Variants in SCHIP1 observed in about 807,000 individuals in gnomAD.
SCHIP1 encodes schwannomin-interacting protein 1.
A neutral mutation model predicts 29.7 loss-of-function variants in SCHIP1; 8 were observed. The ratio of observed to expected loss-of-function variants is 0.27; its 90% CI spans 0.16 to 0.49. The LOEUF is 0.49. Ranked by LOEUF, SCHIP1 falls within the 20% of genes least tolerant of loss-of-function variation. The pLI, the probability that SCHIP1 is intolerant of heterozygous loss-of-function variation, is 0.99. For synonymous variants in SCHIP1, 76 were observed against 94.9 expected, an observed-to-expected ratio of 0.80 and a Z score of 1.16; for missense variants, 193 against 294.6, an observed-to-expected ratio of 0.66 and a Z score of 2.52.
chr3:159,628,140 G>A, the SCHIP1 span, among the ~76,000 whole-genome samples: 1 of 152,184 alleles, frequency 6.6e-6, no homozygotes, highest in East Asian at 1.9e-4. Flanking sequence ...GTAGAGCTGT[G>A]AGATCAAAGT....
At chr3:159,332,959 G>C in the SCHIP1 span, among the ~76,000 whole-genome samples, 3 of 152,312 alleles carry the variant, frequency 2.0e-5, no homozygotes, top group African/African-American at 7.2e-5. Context: ...ATGCTGGACA[G>C]CCTGCATCAG....
At chr3:159,456,074 A>G in the SCHIP1 span, among the ~76,000 whole-genome samples, 1 of 152,104 alleles carries the variant, frequency 6.6e-6, no homozygotes, top group African/African-American at 2.4e-5. Flanking sequence ...AAATAACTTA[A>G]TGGAATTTTT....
chr3:159,636,378 T>A, the SCHIP1 span, among the ~76,000 whole-genome samples: 3 of 152,232 alleles, frequency 2.0e-5, no homozygotes, highest in African/African-American at 7.2e-5. Context: ...TTTAAATTAA[T>A]ACAAGAGAAT....
At chr3:159,694,313 A>G in the SCHIP1 span, among the ~76,000 whole-genome samples, 1 of 152,078 alleles carries the variant, frequency 6.6e-6, no homozygotes, top group African/African-American at 2.4e-5. Context: ...TGAGGTCAGG[A>G]GTTCAAGACT....
the SCHIP1 span, among the ~76,000 whole-genome samples, chr3:159,710,178 G>A: frequency 6.6e-6 from 1 of 152,084 alleles, no homozygotes; most frequent in African/African-American, 2.4e-5. Flanking sequence ...CCAAGATATA[G>A]AACCAACCTA....
chr3:159,792,545 A>G, the SCHIP1 span, among the ~76,000 whole-genome samples: 1 of 152,226 alleles, frequency 6.6e-6, no homozygotes. Flanking sequence ...GTAAAATTTA[A>G]TAGTAGAGTT....
the SCHIP1 span, among the ~76,000 whole-genome samples, chr3:159,598,279 A>C: frequency 6.6e-6 from 1 of 152,166 alleles, no homozygotes. Context: ...AACTCATTCC[A>C]TTATTAACCC....
At chr3:159,694,108 G>A in the SCHIP1 span, among the ~76,000 whole-genome samples, 3 of 152,188 alleles carry the variant, frequency 2.0e-5, no homozygotes, top group South Asian at 4.1e-4. Context: ...ACCATATCAT[G>A]ATCTACTTAA....
the SCHIP1 span, chr3:159,763,804 G>A: frequency 1.3e-5 from 2 of 152,258 alleles, no homozygotes; most frequent in Non-Finnish European, 2.9e-5. Flanking sequence ...CCCCCACCCC[G>A]AGCCTTCCGG....
At chr3:159,658,498 T>C in the SCHIP1 span, among the ~76,000 whole-genome samples, 1 of 152,214 alleles carries the variant, frequency 6.6e-6, no homozygotes, top group Non-Finnish European at 1.5e-5. Flanking sequence ...CTACTTTTAC[T>C]TGTGTCCAAG....
chr3:159,366,012 G>GTTGT, the SCHIP1 span, among the ~76,000 whole-genome samples: 1 of 144,042 alleles, frequency 6.9e-6, no homozygotes, highest in Non-Finnish European at 1.5e-5. Context: ...AGACAGGGTT[G>GTTGT]TTGTTTATAA....
intron 3 of SCHIP1, 156 bp downstream of exon 4, chr3:159,886,480 A>C (rs1043247755): frequency 3.3e-6 from 2 of 614,112 alleles, no homozygotes; most frequent in Non-Finnish European, 5.6e-6. Context: ...CAATGATTAA[A>C]AAGTCAAAGT....
At chr3:159,585,014 A>G in the SCHIP1 span, among the ~76,000 whole-genome samples, 1 of 151,848 alleles carries the variant, frequency 6.6e-6, no homozygotes. Context: ...TCCTTGCTCA[A>G]ATGTTACCTT....
At chr3:159,313,962 C>G in the SCHIP1 span, among the ~76,000 whole-genome samples, 1 of 152,136 alleles carries the variant, frequency 6.6e-6, no homozygotes, top group South Asian at 2.1e-4. Context: ...AGGTAAAGTG[C>G]GTGCTTTGCT....
chr3:159,436,537 C>A, the SCHIP1 span, among the ~76,000 whole-genome samples: 8 of 152,134 alleles, frequency 5.3e-5, no homozygotes, highest in African/African-American at 1.9e-4. Flanking sequence ...CTGCATTCAT[C>A]TTCTTTTTCC....
At chr3:159,680,049 C>T in the SCHIP1 span, among the ~76,000 whole-genome samples, 1 of 152,074 alleles carries the variant, frequency 6.6e-6, no homozygotes, top group East Asian at 1.9e-4. Context: ...TACTTCCCAC[C>T]GAGAAACACA....
chr3:159,309,107 T>C, the SCHIP1 span: 2 of 165,526 alleles, frequency 1.2e-5, no homozygotes, highest in Admixed American at 6.6e-5. Flanking sequence ...GTGACAAATC[T>C]GCACATGTAC....
chr3:159,724,856 G>A, the SCHIP1 span, among the ~76,000 whole-genome samples: 7 of 152,210 alleles, frequency 4.6e-5, no homozygotes, highest in African/African-American at 1.7e-4. Flanking sequence ...GTAACTCAAT[G>A]GGAATTCAGT....
the SCHIP1 span, among the ~76,000 whole-genome samples, chr3:159,303,122 A>G: frequency 2.8e-4 from 43 of 152,262 alleles, no homozygotes; most frequent in African/African-American, 9.6e-4. Context: ...ATACACTACA[A>G]TCAGCACTGT....
Sources: gnomAD v4.1 joint callset for allele counts (sites outside exome capture counted in the v4.1 genomes callset) on GRCh38, gnomAD v4.1.1 for gene constraint, MANE v1.5 for transcripts, NCBI Gene and HGNC (gene_info 2026-07-23, HGNC 2026-07-21) for gene names.